Variants in N4BP2L2 observed in about 807,000 individuals in gnomAD.
The protein encoded by N4BP2L2 is NEDD4 binding protein 2 like 2.
Under a neutral mutation model 56.2 loss-of-function variants are expected in N4BP2L2, and 50 were observed. The observed-to-expected ratio is 0.89, with a 90% CI of 0.71 to 1.13. The LOEUF (loss-of-function observed/expected upper bound fraction) is 1.13, where lower values mean the gene tolerates loss of function less well. Among genes scored for constraint, N4BP2L2 ranks in the 50% most tolerant of loss-of-function variants. The probability of loss-of-function intolerance (pLI) is 0.00; values close to 1 mark genes in which losing one functional copy is unlikely to be tolerated. For missense variants in N4BP2L2, 689 were observed against 693.8 expected (o/e 0.99, Z 0.08); for synonymous variants, 203 against 223.6 (o/e 0.91, Z 0.82).
At chr13:32,498,157 A>G (rs1221643672) in intron 6 of N4BP2L2, among the ~76,000 whole-genome samples, 1 of 151,784 alleles carries the variant, frequency 6.6e-6, no homozygotes, top group African/African-American at 2.4e-5. Flanking sequence ...GCTAATTTTT[A>G]TATTTTTTGG....
At chr13:32,474,043 T>A (rs886471262) in intron 6 of N4BP2L2, among the ~76,000 whole-genome samples, 1 of 152,208 alleles carries the variant, frequency 6.6e-6, no homozygotes, top group African/African-American at 2.4e-5. Context: ...TTTTGTTAAT[T>A]TGCTTGCATA....
At chr13:32,461,081 C>A (rs941619819) in intron 6 of N4BP2L2, among the ~76,000 whole-genome samples, 3 of 152,100 alleles carry the variant, frequency 2.0e-5, no homozygotes, top group Non-Finnish European at 2.9e-5. Flanking sequence ...TGAAACTAGA[C>A]CCCTATAGAA....
At chr13:32,456,878 A>C (rs1276321038) in intron 6 of N4BP2L2, among the ~76,000 whole-genome samples, 2 of 152,166 alleles carry the variant, frequency 1.3e-5, no homozygotes, top group African/African-American at 4.8e-5. Flanking sequence ...GCTCATGCCC[A>C]CAATCCCAGC....
exon 7 of N4BP2L2, chr13:32,442,891 A>G (rs781631291): frequency 1.4e-5 from 22 of 1,613,010 alleles, no homozygotes; most frequent in African/African-American, 1.2e-4. Flanking sequence ...ATCAAAGGTC[A>G]TAAGTTTTTG....
intron 6 of N4BP2L2, among the ~76,000 whole-genome samples, chr13:32,455,991 C>A (rs187463526): frequency 3.8e-4 from 58 of 152,308 alleles, no homozygotes; most frequent in African/African-American, 1.3e-3. Context: ...AGCACATTGC[C>A]CAGGAGACCA....
intron 5 of N4BP2L2, among the ~76,000 whole-genome samples, chr13:32,520,402 C>A (rs1252228285): frequency 6.7e-6 from 1 of 149,978 alleles, no homozygotes; most frequent in East Asian, 1.9e-4. Flanking sequence ...TGCCTTTAAT[C>A]CCAGCACTCT....
chr13:32,457,055 C>T (rs1297344389), intron 6 of N4BP2L2, among the ~76,000 whole-genome samples: 1 of 152,196 alleles, frequency 6.6e-6, no homozygotes, highest in Non-Finnish European at 1.5e-5. Flanking sequence ...ACAGGAATTG[C>T]TTGAGCCTGG....
At chr13:32,493,691 C>T (rs1364082674) in intron 6 of N4BP2L2, among the ~76,000 whole-genome samples, 1 of 152,178 alleles carries the variant, frequency 6.6e-6, no homozygotes, top group Non-Finnish European at 1.5e-5. Context: ...ATGTTTCACA[C>T]TATTTTTAAT....
At chr13:32,516,588 T>G (rs1378088518) in exon 6 of N4BP2L2, 3 of 152,208 alleles carry the variant, frequency 2.0e-5, no homozygotes, top group Non-Finnish European at 4.4e-5. Flanking sequence ...GGATTCAAGA[T>G]GTGCTGGTTT....
intron 6 of N4BP2L2, among the ~76,000 whole-genome samples, chr13:32,469,312 T>C (rs1205003182): frequency 6.6e-6 from 1 of 151,790 alleles, no homozygotes; most frequent in Admixed American, 6.6e-5. Flanking sequence ...AGTGGAGACA[T>C]GGGTGGCAGT....
rs531676237 is a variant in N4BP2L2, at chr13:32,535,172, A to G, written c.1259+597T>C. Among the ~76,000 whole-genome samples, 4 of 152,358 alleles carry G rather than the reference A, an allele frequency of 2.6e-5. No homozygotes were observed. In the South Asian group the frequency reaches 8.3e-4, roughly 32 times the overall value. ...AGTAAGTATCATTTATTCCATTAACAGAGAGCAAAACTTGCCCAAGGTGAA... is the reference window on the plus strand; with the variant it reads ...AGTAAGTATCATTTATTCCATTAACGGAGAGCAAAACTTGCCCAAGGTGAA... On this transcript the variant is annotated intron_variant, in intron 2 of 5. Coordinates refer to ENST00000267068, the Ensembl canonical transcript of N4BP2L2.
intron 7 of N4BP2L2, among the ~76,000 whole-genome samples, chr13:32,439,130 G>A (rs1041379108): frequency 1.3e-5 from 2 of 152,016 alleles, no homozygotes; most frequent in Non-Finnish European, 2.9e-5. Flanking sequence ...GTACAAACAC[G>A]GCTTATAATG....
At chr13:32,530,696 G>A (rs1366178172) in intron 2 of N4BP2L2, among the ~76,000 whole-genome samples, 1 of 151,926 alleles carries the variant, frequency 6.6e-6, no homozygotes. Flanking sequence ...AAATAATTTT[G>A]GCAAGTTAGA....
exon 8 of N4BP2L2, chr13:32,438,734 G>T: frequency 1.9e-6 from 3 of 1,605,704 alleles, no homozygotes; most frequent in Non-Finnish European, 2.6e-6. Context: ...AGGCAACAAG[G>T]ATTCTGTGAA....
chr13:32,437,971 A>AT (rs1566007697), intron 8 of N4BP2L2, among the ~76,000 whole-genome samples: 1 of 152,122 alleles, frequency 6.6e-6, no homozygotes. Flanking sequence ...GATAAATTTT[A>AT]TTTTTTATTC....
At chr13:32,533,959 G>A (rs1413286130) in intron 2 of N4BP2L2, among the ~76,000 whole-genome samples, 1 of 152,146 alleles carries the variant, frequency 6.6e-6, no homozygotes, top group Non-Finnish European at 1.5e-5. Context: ...CAGGAGTCAC[G>A]TATAAGACTA....
intron 6 of N4BP2L2, among the ~76,000 whole-genome samples, chr13:32,475,393 A>C (rs560418573): frequency 4.6e-5 from 7 of 152,346 alleles, no homozygotes; most frequent in African/African-American, 1.4e-4. Context: ...AAAGCAGGTC[A>C]TCCAAGAGAG....
At chr13:32,530,022 G>A (rs1419512807) in intron 2 of N4BP2L2, among the ~76,000 whole-genome samples, 6 of 152,020 alleles carry the variant, frequency 3.9e-5, no homozygotes, top group South Asian at 2.1e-4. Flanking sequence ...CACCGTGCCC[G>A]GCACAGGTGA....
intron 2 of N4BP2L2, among the ~76,000 whole-genome samples, chr13:32,532,145 G>A (rs1036515661): frequency 2.6e-5 from 4 of 152,194 alleles, no homozygotes; most frequent in South Asian, 4.1e-4. Flanking sequence ...ACCATCTAAC[G>A]CAACATATGC....
Sources: allele counts gnomAD v4.1 joint callset (sites outside exome capture counted in the v4.1 genomes callset), GRCh38; gene constraint gnomAD v4.1.1; transcripts MANE v1.5; gene names NCBI Gene and HGNC (gene_info 2026-07-23, HGNC 2026-07-21).